The following TAFA4 variants were observed in gnomAD, a reference collection of about 807,000 sequenced individuals.
TAFA4 encodes the protein TAFA chemokine like family member 4, also known as chemokine-like protein TAFA-4.
A neutral mutation model predicts 21.1 loss-of-function variants in TAFA4; 20 were observed. The ratio of observed to expected loss-of-function variants is 0.95; its 90% CI spans 0.67 to 1.38. The LOEUF (loss-of-function observed/expected upper bound fraction) is 1.38, where lower values mean the gene tolerates loss of function less well. Among genes scored for constraint, TAFA4 ranks in the 40% most tolerant of loss-of-function variants. The pLI, the probability that TAFA4 is intolerant of heterozygous loss-of-function variation, is 0.00. For synonymous variants in TAFA4, 71 were observed against 67.4 expected (o/e 1.05, Z -0.26); for missense variants, 211 against 180.9 (o/e 1.17, Z -0.95).
intron 1 of TAFA4, among the ~76,000 whole-genome samples, chr3:68,890,885 C>T (rs1163215307): frequency 6.6e-6 from 1 of 152,122 alleles, no homozygotes; most frequent in Non-Finnish European, 1.5e-5. Flanking sequence ...AGCAGATGCT[C>T]GGATTGTGCC....
chr3:68,778,524 C>A (rs996026201), intron 3 of TAFA4, among the ~76,000 whole-genome samples: 7 of 152,168 alleles, frequency 4.6e-5, no homozygotes, highest in Admixed American at 3.3e-4. Context: ...GGGAGGGACC[C>A]AGTGGGAGGT....
intron 3 of TAFA4, among the ~76,000 whole-genome samples, chr3:68,805,000 A>C (rs1703661601): frequency 6.6e-6 from 1 of 152,248 alleles, no homozygotes; most frequent in African/African-American, 2.4e-5. Context: ...AGAAACTACT[A>C]TCAGGGTGAA....
At position 68,741,381 on chromosome 3, in the gene TAFA4, A is replaced by G. The variant is rs540456133; in HGVS notation, c.287-2182T>C. Among the ~76,000 whole-genome samples, 4 of 152,126 alleles carry G rather than the reference A, an allele frequency of 2.6e-5. No homozygotes were observed. The South Asian group carries it at 8.3e-4, about 31-fold the overall frequency. ...GTGTTTTATATTTTTTGATGCTATT[A>G]TAAAAATAGGATTGCTTCCTTAATT... is the stretch of plus-strand genomic sequence containing the variant. On this transcript the variant is annotated intron_variant, in intron 4 of 5. Coordinates refer to ENST00000295569, the MANE Select transcript of TAFA4 (RefSeq NM_182522.5).
At chr3:68,893,988 A>G (rs890443671) in intron 1 of TAFA4, among the ~76,000 whole-genome samples, 5 of 152,218 alleles carry the variant, frequency 3.3e-5, no homozygotes, top group Non-Finnish European at 7.3e-5. Flanking sequence ...AACAAAAGAT[A>G]TAATTTAAAT....
chr3:68,865,548 G>C (rs2089405833), intron 3 of TAFA4, among the ~76,000 whole-genome samples: 1 of 151,998 alleles, frequency 6.6e-6, no homozygotes, highest in South Asian at 2.1e-4. Context: ...CTCCTCCTTT[G>C]CCTTCTGCCA....
intron 1 of TAFA4, among the ~76,000 whole-genome samples, chr3:68,918,860 C>T (rs548711699): frequency 6.6e-6 from 1 of 152,176 alleles, no homozygotes; most frequent in East Asian, 1.9e-4. Flanking sequence ...TGCTTTAAAA[C>T]CAGATTTTTA....
In TAFA4 at chr3:68,894,157, A is replaced by G. The variant is rs1049406036; in HGVS notation, c.-122-8847T>C. Among the ~76,000 whole-genome samples, 9 of 147,244 alleles carry G rather than the reference A, an allele frequency of 6.1e-5. No individual in the cohort carries two copies. The East Asian group carries it at 1.8e-3, about 29-fold the overall frequency. ...TTGTTGGTTCTTCCTGTTACTTGTTACTTTTTTTTTTTTTTTTTGGAGACA... is the reference window on the plus strand; with the variant it reads ...TTGTTGGTTCTTCCTGTTACTTGTTGCTTTTTTTTTTTTTTTTTGGAGACA... On this transcript the variant is annotated intron_variant, in intron 1 of 5. Transcript: ENST00000295569.
In TAFA4 at chr3:68,810,693, G is replaced by T. The variant is rs574385512; in HGVS notation, c.131-57675C>A. 1.8e-3 allele frequency among the ~76,000 whole-genome samples: 273 copies of T among 152,320 alleles called. 2 individuals are homozygous for T. Among genetic ancestry groups the T allele is most frequent in the African/African-American group, 6.3e-3 (263 of 41,574 alleles). On this transcript the variant is annotated intron_variant, in intron 3 of 5. Transcript: ENST00000295569. ...AGCCAGGAAGCTCGAACTGGGTGGA[G>T]CCCACCGCAGCTCAAGGAGGACTGT... is the stretch of plus-strand genomic sequence containing the variant.
At chr3:68,931,039 C>G (rs2090153245) in intron 1 of TAFA4, among the ~76,000 whole-genome samples, 6 of 152,162 alleles carry the variant, frequency 3.9e-5, no homozygotes, top group Admixed American at 3.9e-4. Context: ...GGAAGCTAGG[C>G]CATCAGTGTG....
chr3:68,931,896 A>AC (rs773260428), intron 1 of TAFA4, among the ~76,000 whole-genome samples: 1 of 152,030 alleles, frequency 6.6e-6, no homozygotes, highest in East Asian at 1.9e-4. Flanking sequence ...TGAGTTCACC[A>AC]CCCCCTATAC....
intron 3 of TAFA4, among the ~76,000 whole-genome samples, chr3:68,784,915 T>A (rs1312103279): frequency 6.6e-6 from 1 of 151,884 alleles, no homozygotes; most frequent in Non-Finnish European, 1.5e-5. Flanking sequence ...CCCACCAGAG[T>A]AGCTAGATAC....
chr3:68,807,522 C>A (rs1012478961), intron 3 of TAFA4, among the ~76,000 whole-genome samples: 1 of 151,974 alleles, frequency 6.6e-6, no homozygotes, highest in Non-Finnish European at 1.5e-5. Context: ...CTCCTGGAGT[C>A]CTGCAAAATG....
At chr3:68,745,155 C>G (rs1209319849) in intron 4 of TAFA4, among the ~76,000 whole-genome samples, 1 of 152,080 alleles carries the variant, frequency 6.6e-6, no homozygotes, top group Non-Finnish European at 1.5e-5. Context: ...GGGTAAGAAC[C>G]CACTGAGGGC....
rs145683277 is a variant in TAFA4 at position 68,927,491 on chromosome 3, T to A, written c.-123+4749A>T. On this transcript the variant is annotated intron_variant, in intron 1 of 5. Coordinates refer to ENST00000295569, the MANE Select transcript of TAFA4 (RefSeq NM_182522.5). Reference sequence around the variant, plus strand: ...GAAATACTGTAGAATGTTCTATTGCTTTCTAGTTTAAAATGAACTTATAGC... The same window carrying A: ...GAAATACTGTAGAATGTTCTATTGCATTCTAGTTTAAAATGAACTTATAGC... 1.1e-3 allele frequency among the ~76,000 whole-genome samples: 166 copies of A among 152,356 alleles called. 2 individuals are homozygous for A. Among genetic ancestry groups the A allele is most frequent in the African/African-American group, 3.9e-3 (164 of 41,584 alleles).
rs1353044129 is a variant in TAFA4 at position 68,851,886 on chromosome 3, T to C, written c.130+28844A>G. 2.6e-5 allele frequency among the ~76,000 whole-genome samples: 4 copies of C among 152,066 alleles called. 1 individual carries two copies. Among genetic ancestry groups the C allele is most frequent in the East Asian group, 1.9e-4 (1 of 5,156 alleles). On this transcript the variant is annotated intron_variant, in intron 3 of 5. Coordinates refer to ENST00000295569, the MANE Select transcript of TAFA4 (RefSeq NM_182522.5). The stretch of plus-strand genomic sequence containing the variant: ...GTGGAGACAATATTGAGATCAGATC[T>C]ATAGGACAAGGGTGAGCAAAGGTTA...
chr3:68,784,931 G>A (rs2106802995), intron 3 of TAFA4, among the ~76,000 whole-genome samples: 1 of 152,206 alleles, frequency 6.6e-6, no homozygotes, highest in East Asian at 1.9e-4. Context: ...GATACAGAGT[G>A]TCGATTGGTG....
At chr3:68,879,732 C>T (rs1376558841) in intron 3 of TAFA4, among the ~76,000 whole-genome samples, 1 of 152,116 alleles carries the variant, frequency 6.6e-6, no homozygotes, top group East Asian at 1.9e-4. Flanking sequence ...TATGACTAAC[C>T]TTAAAATATC....
At chr3:68,904,815 TA>T (rs2089883058) in intron 1 of TAFA4, among the ~76,000 whole-genome samples, 1 of 152,182 alleles carries the variant, frequency 6.6e-6, no homozygotes. Context: ...TAATGGCAGT[TA>T]ACTCATGGGC....
intron 1 of TAFA4, among the ~76,000 whole-genome samples, chr3:68,909,982 T>C (rs1426905072): frequency 6.6e-6 from 1 of 152,184 alleles, no homozygotes; most frequent in East Asian, 1.9e-4. Flanking sequence ...TCCTTGTGAC[T>C]GTAGGACTGA....
Sources: gnomAD v4.1 joint callset for allele counts (sites outside exome capture counted in the v4.1 genomes callset) on GRCh38, gnomAD v4.1.1 for gene constraint, MANE v1.5 for transcripts, NCBI Gene and HGNC (gene_info 2026-07-23, HGNC 2026-07-21) for gene names.